MGMT: variants seen among roughly 807,000 people sequenced by gnomAD.
MGMT encodes O-6-methylguanine-DNA methyltransferase, also known as methylated-DNA--protein-cysteine methyltransferase.
Under a neutral mutation model 15.9 loss-of-function variants are expected in MGMT, and 14 were observed. That is an observed-to-expected ratio of 0.88 (90% confidence interval 0.58 to 1.37). The LOEUF is 1.37. MGMT is among the 40% of genes most tolerant of loss of function. MGMT has a pLI of 0.00. For synonymous variants in MGMT, 130 were observed against 118.2 expected, an observed-to-expected ratio of 1.10 and a Z score of -0.65; for missense variants, 282 against 268.1, an observed-to-expected ratio of 1.05 and a Z score of -0.36.
intron 2 of MGMT, among the ~76,000 whole-genome samples, chr10:129,623,507 C>CAT (rs1163194941): frequency 6.6e-6 from 1 of 152,070 alleles, no homozygotes; most frequent in Non-Finnish European, 1.5e-5. Flanking sequence ...CAGTTTCTAA[C>CAT]ATATATATAA....
At chr10:129,548,534 A>C (rs995862816) in intron 2 of MGMT, among the ~76,000 whole-genome samples, 2 of 152,214 alleles carry the variant, frequency 1.3e-5, no homozygotes, top group Admixed American at 1.3e-4. Flanking sequence ...TTTCCTTCAA[A>C]GTTTTTGGTG....
At chr10:129,516,462 G>A (rs891247935) in intron 1 of MGMT, among the ~76,000 whole-genome samples, 10 of 152,120 alleles carry the variant, frequency 6.6e-5, no homozygotes, top group Non-Finnish European at 7.3e-5. Context: ...CCTCTTACCC[G>A]GCATGGTGTT....
chr10:129,552,890 A>G (rs1846174245), intron 2 of MGMT, among the ~76,000 whole-genome samples: 1 of 152,216 alleles, frequency 6.6e-6, no homozygotes, highest in Non-Finnish European at 1.5e-5. Flanking sequence ...CTTTTTCATT[A>G]ATGTATGTAA....
chr10:129,586,944 ACTGT>A (rs1846625113), intron 2 of MGMT, among the ~76,000 whole-genome samples: 1 of 152,192 alleles, frequency 6.6e-6, no homozygotes, highest in Non-Finnish European at 1.5e-5. Flanking sequence ...TGATGGTGAT[ACTGT>A]CTTTTAGTGT....
At chr10:129,620,149 A>G (rs1374752956) in intron 2 of MGMT, among the ~76,000 whole-genome samples, 2 of 152,228 alleles carry the variant, frequency 1.3e-5, no homozygotes, top group Non-Finnish European at 2.9e-5. Context: ...AAGTAATATA[A>G]GTATTCAAAA....
At chr10:129,576,239 G>T (rs1037495254) in intron 2 of MGMT, among the ~76,000 whole-genome samples, 2 of 152,160 alleles carry the variant, frequency 1.3e-5, no homozygotes, top group Non-Finnish European at 2.9e-5. Context: ...CCAAAAAAGA[G>T]AATTTTAGAC....
At chr10:129,756,363 A>G (rs1252914498) in intron 3 of MGMT, among the ~76,000 whole-genome samples, 1 of 152,208 alleles carries the variant, frequency 6.6e-6, no homozygotes, top group African/African-American at 2.4e-5. Context: ...AGAGAGGAAC[A>G]TCCAGAATGT....
intron 3 of MGMT, among the ~76,000 whole-genome samples, chr10:129,738,039 C>G (rs571195908): frequency 2.6e-5 from 4 of 152,230 alleles, no homozygotes; most frequent in African/African-American, 9.6e-5. Context: ...GAGGTGGAGC[C>G]TACAGAGGCA....
intron 3 of MGMT, among the ~76,000 whole-genome samples, chr10:129,724,624 A>T (rs914845315): frequency 2.6e-5 from 4 of 151,274 alleles, no homozygotes; most frequent in Non-Finnish European, 4.4e-5. Context: ...TGGAGAGAGT[A>T]CACTGATGTC....
intron 2 of MGMT, among the ~76,000 whole-genome samples, chr10:129,671,939 A>G (rs1286350412): frequency 6.6e-6 from 1 of 152,260 alleles, no homozygotes; most frequent in Non-Finnish European, 1.5e-5. Context: ...TACAGAATTT[A>G]CAACAAAGAG....
At position 129,567,749 on chromosome 10, in the gene MGMT, A is replaced by G. The variant is rs182859389; in HGVS notation, c.125+31372A>G. On this transcript the variant is annotated intron_variant, in intron 2 of 4. Transcript: ENST00000651593. ...TTATCACAAAAATGATGATATACAA[A>G]TCACTTCCATATCACAAAATGTTCT... is the stretch of plus-strand genomic sequence containing the variant. Among the ~76,000 whole-genome samples the G allele has an allele frequency of 1.5e-3, 229 of 152,346 alleles. 2 individuals carry two copies. Among genetic ancestry groups the G allele is most frequent in the Admixed American group, 4.2e-3 (64 of 15,306 alleles).
chr10:129,738,442 G>A (rs972972079), intron 3 of MGMT, among the ~76,000 whole-genome samples: 1 of 152,202 alleles, frequency 6.6e-6, no homozygotes, highest in Non-Finnish European at 1.5e-5. Context: ...CCACTGACCT[G>A]CGCCCACTGT....
chr10:129,518,215 G>A (rs1845760586), intron 1 of MGMT, among the ~76,000 whole-genome samples: 1 of 151,862 alleles, frequency 6.6e-6, no homozygotes, highest in African/African-American at 2.4e-5. Context: ...TCTGAAATTT[G>A]CCACCTTCTT....
At chr10:129,476,761 G>A (rs767117612) in intron 1 of MGMT, among the ~76,000 whole-genome samples, 2 of 152,054 alleles carry the variant, frequency 1.3e-5, no homozygotes, top group African/African-American at 2.4e-5. Context: ...ACAAGGGGCC[G>A]GGGACCCTCC....
intron 2 of MGMT, among the ~76,000 whole-genome samples, chr10:129,619,012 C>T (rs943379701): frequency 2.0e-5 from 3 of 152,060 alleles, no homozygotes; most frequent in Non-Finnish European, 4.4e-5. Flanking sequence ...GCTAGGGTCT[C>T]CATACTGCAT....
At chr10:129,503,454 C>T (rs1299611609) in intron 1 of MGMT, among the ~76,000 whole-genome samples, 19 of 152,122 alleles carry the variant, frequency 1.2e-4, no homozygotes, top group Non-Finnish European at 1.0e-4. Context: ...TAAAATTAAC[C>T]TGAATTAGCT....
chr10:129,490,102 C>CT (rs986730703), intron 1 of MGMT, among the ~76,000 whole-genome samples: 6 of 151,856 alleles, frequency 4.0e-5, no homozygotes, highest in African/African-American at 9.7e-5. Flanking sequence ...ATTTTGTTTT[C>CT]TTTTTTTTCT....
chr10:129,697,535 T>C (rs1848046143), intron 2 of MGMT, among the ~76,000 whole-genome samples: 1 of 152,142 alleles, frequency 6.6e-6, no homozygotes, highest in Non-Finnish European at 1.5e-5. Context: ...CCCCCAAGGG[T>C]CTTTGGGAGG....
intron 1 of MGMT, among the ~76,000 whole-genome samples, chr10:129,494,503 T>C (rs1282477217): frequency 6.6e-6 from 1 of 152,182 alleles, no homozygotes; most frequent in East Asian, 1.9e-4. Flanking sequence ...TTCCCTAATA[T>C]GTGCAATGAC....
Sources: gnomAD v4.1 joint callset for allele counts (sites outside exome capture counted in the v4.1 genomes callset) on GRCh38, gnomAD v4.1.1 for gene constraint, MANE v1.5 for transcripts, NCBI Gene and HGNC (gene_info 2026-07-23, HGNC 2026-07-21) for gene names.